Variants in NR3C2 observed in about 807,000 individuals in gnomAD.
The protein encoded by NR3C2 is nuclear receptor subfamily 3 group C member 2.
In NR3C2, 15 loss-of-function variants were observed where a neutral mutation model predicts 86.4. The observed-to-expected ratio is 0.17, with a 90% CI of 0.12 to 0.27. NR3C2 has a LOEUF of 0.27. NR3C2 is among the 10% of genes least tolerant of loss of function. The pLI is 1.00. For missense variants in NR3C2, 960 were observed against 1,195.6 expected, an observed-to-expected ratio of 0.80 and a Z score of 2.91; for synonymous variants, 458 against 450.5, an observed-to-expected ratio of 1.02 and a Z score of -0.21.
At chr4:148,265,534 C>T (rs1740339927) in intron 2 of NR3C2, among the ~76,000 whole-genome samples, 1 of 152,190 alleles carries the variant, frequency 6.6e-6, no homozygotes. Context: ...AAAACAGTAG[C>T]GACTGATCCA....
At position 148,360,803 on chromosome 4, in the gene NR3C2, T is replaced by C. The variant is rs980593280; in HGVS notation, c.1757+74301A>G. Reference sequence around the variant, plus strand: ...ATAGATGCTTTCAGGTAAGTGTTCATCTTAATTATATAATGCTAACATCAC... The same window carrying C: ...ATAGATGCTTTCAGGTAAGTGTTCACCTTAATTATATAATGCTAACATCAC... On this transcript the variant is annotated intron_variant, in intron 2 of 8. Transcript: ENST00000358102. Among the ~76,000 whole-genome samples the C allele has an allele frequency of 3.3e-5, 5 of 152,190 alleles. No individual in the cohort carries two copies. The East Asian group carries it at 9.6e-4, about 29-fold the overall frequency.
intron 3 of NR3C2, among the ~76,000 whole-genome samples, chr4:148,233,621 AAG>A (rs1160220620): frequency 6.6e-6 from 1 of 152,086 alleles, no homozygotes; most frequent in Non-Finnish European, 1.5e-5. Context: ...CAGCCTCCCA[AAG>A]AGCTCAACTC....
At position 148,303,074 on chromosome 4, in the gene NR3C2, G is replaced by A. The variant is rs114025114; in HGVS notation, c.1758-42957C>T. ...AATAATTATTCTTGGTGCACTTTAT[G>A]CAAATAATCAGGCCAAGTATAAGAC... On this transcript the variant is annotated intron_variant, in intron 2 of 8. Coordinates refer to ENST00000358102, the MANE Select transcript of NR3C2 (RefSeq NM_000901.5). 7.5e-3 allele frequency among the ~76,000 whole-genome samples: 1,139 copies of A among 152,202 alleles called. 17 individuals are homozygous for A. The highest frequency in any genetic ancestry group is 0.026 in the African/African-American group (1,074 of 41,542).
At chr4:148,095,897 T>C (rs1731257565) in intron 8 of NR3C2, among the ~76,000 whole-genome samples, 1 of 152,236 alleles carries the variant, frequency 6.6e-6, no homozygotes. Flanking sequence ...CTGATTGTTA[T>C]TGAGACTGTG....
At chr4:148,325,532 A>G (rs1225892208) in intron 2 of NR3C2, among the ~76,000 whole-genome samples, 1 of 152,194 alleles carries the variant, frequency 6.6e-6, no homozygotes, top group Non-Finnish European at 1.5e-5. Flanking sequence ...AATGTGCAGT[A>G]ACACTGCTTG....
At chr4:148,420,141 C>T (rs985395103) in intron 2 of NR3C2, among the ~76,000 whole-genome samples, 1 of 152,168 alleles carries the variant, frequency 6.6e-6, no homozygotes, top group East Asian at 1.9e-4. Context: ...CAGAATCTGT[C>T]GAGAAAGGTT....
intron 2 of NR3C2, among the ~76,000 whole-genome samples, chr4:148,372,348 C>T (rs143720962): frequency 1.3e-5 from 2 of 151,852 alleles, no homozygotes. Flanking sequence ...GTCATATTCC[C>T]TCTCATTTCT....
chr4:148,429,795 C>A (rs1749716155), intron 2 of NR3C2, among the ~76,000 whole-genome samples: 1 of 152,102 alleles, frequency 6.6e-6, no homozygotes, highest in Admixed American at 6.6e-5. Flanking sequence ...TCAAAGATAT[C>A]CAAGTTAATG....
intron 2 of NR3C2, among the ~76,000 whole-genome samples, chr4:148,323,595 C>A (rs6814250): frequency 0.7 from 105,333 of 151,270 alleles, 37,238 homozygotes; most frequent in East Asian, 0.88. Context: ...GCCGTTTTTT[C>A]AGCCCGTCGG....
At chr4:148,206,436 C>A (rs1379095682) in intron 3 of NR3C2, among the ~76,000 whole-genome samples, 2 of 152,194 alleles carry the variant, frequency 1.3e-5, no homozygotes, top group African/African-American at 4.8e-5. Context: ...ATAAAAATGG[C>A]AGCCATCAAG....
chr4:148,344,580 T>A (rs1744901789), intron 2 of NR3C2, among the ~76,000 whole-genome samples: 1 of 152,168 alleles, frequency 6.6e-6, no homozygotes, highest in Non-Finnish European at 1.5e-5. Context: ...TTAGCTGCTA[T>A]TAGCAGGAGC....
chr4:148,420,501 A>T (rs143547020), intron 2 of NR3C2, among the ~76,000 whole-genome samples: 1 of 152,338 alleles, frequency 6.6e-6, no homozygotes, highest in African/African-American at 2.4e-5. Flanking sequence ...TTCTCAAAAC[A>T]TTATTTGGTA....
At chr4:148,393,688 G>A (rs574782452) in intron 2 of NR3C2, among the ~76,000 whole-genome samples, 25 of 152,260 alleles carry the variant, frequency 1.6e-4, no homozygotes, top group Middle Eastern at 3.4e-3. Context: ...TCAGCTTAAG[G>A]TAAAACCTCC....
At chr4:148,333,365 T>A (rs1311970968) in intron 2 of NR3C2, among the ~76,000 whole-genome samples, 1 of 151,828 alleles carries the variant, frequency 6.6e-6, no homozygotes, top group African/African-American at 2.4e-5. Flanking sequence ...CTCCCATTCC[T>A]AGGAAAAACA....
intron 2 of NR3C2, among the ~76,000 whole-genome samples, chr4:148,409,104 G>C (rs1748564001): frequency 6.6e-6 from 1 of 152,032 alleles, no homozygotes; most frequent in African/African-American, 2.4e-5. Flanking sequence ...TGGAGATATT[G>C]GGTCAAAAGG....
intron 6 of NR3C2, among the ~76,000 whole-genome samples, chr4:148,130,272 A>T (rs1307829523): frequency 6.6e-6 from 1 of 152,242 alleles, no homozygotes; most frequent in Non-Finnish European, 1.5e-5. Flanking sequence ...TAATAAATGT[A>T]ATCCTTTCAC....
chr4:148,142,587 T>C (rs1014995130), intron 6 of NR3C2, among the ~76,000 whole-genome samples: 19 of 152,134 alleles, frequency 1.2e-4, no homozygotes, highest in African/African-American at 4.3e-4. Flanking sequence ...CTCCGCCTCC[T>C]GGGCTCAAGT....
intron 4 of NR3C2, among the ~76,000 whole-genome samples, chr4:148,176,919 T>C (rs1261941215): frequency 6.6e-6 from 1 of 152,240 alleles, no homozygotes; most frequent in African/African-American, 2.4e-5. Context: ...TTTAAAATAT[T>C]TCACATTAGT....
intron 7 of NR3C2, among the ~76,000 whole-genome samples, chr4:148,115,455 G>A (rs2149729039): frequency 6.6e-6 from 1 of 152,160 alleles, no homozygotes. Flanking sequence ...TTCACCTTGG[G>A]ATATTAACAT....
Sources: gnomAD v4.1 joint callset for allele counts (sites outside exome capture counted in the v4.1 genomes callset) on GRCh38, gnomAD v4.1.1 for gene constraint, MANE v1.5 for transcripts, NCBI Gene and HGNC (gene_info 2026-07-23, HGNC 2026-07-21) for gene names.